Variants in CEP128 observed in about 807,000 individuals in gnomAD.
CEP128 encodes the protein centrosomal protein 128kDa.
Under a neutral mutation model 156.7 loss-of-function variants are expected in CEP128, and 132 were observed. The ratio of observed to expected loss-of-function variants is 0.84; its 90% CI spans 0.73 to 0.97. CEP128 has a LOEUF of 0.97. CEP128 is among the 50% of genes least tolerant of loss of function. The probability of loss-of-function intolerance (pLI) is 0.00; values close to 1 mark genes in which losing one functional copy is unlikely to be tolerated. For synonymous variants in CEP128, 469 were observed against 448.9 expected (o/e 1.04, Z -0.57); for missense variants, 1,252 against 1,281.9 (o/e 0.98, Z 0.36).
chr14:80,527,185 T>C, intron 22 of CEP128: 1 of 556,200 alleles, frequency 1.8e-6, no homozygotes, highest in Non-Finnish European at 3.3e-6. Context: ...TCCCAGCACT[T>C]TAGGAGGCCA....
At chr14:80,700,325 C>A (rs532753081) in intron 19 of CEP128, among the ~76,000 whole-genome samples, 2 of 152,166 alleles carry the variant, frequency 1.3e-5, no homozygotes, top group African/African-American at 4.8e-5. Context: ...TTGGACTAAG[C>A]TGATGATTAG....
At chr14:80,565,696 C>T (rs1183998119) in intron 20 of CEP128, among the ~76,000 whole-genome samples, 3 of 152,126 alleles carry the variant, frequency 2.0e-5, no homozygotes, top group African/African-American at 7.2e-5. Context: ...TATTTGTAGG[C>T]TGTTAGGAAA....
intron 23 of CEP128, among the ~76,000 whole-genome samples, chr14:80,507,367 C>T (rs142016550): frequency 1.5e-4 from 23 of 152,252 alleles, no homozygotes; most frequent in Non-Finnish European, 2.6e-4. Flanking sequence ...AAAGGATATA[C>T]ATTATGCCCC....
chr14:80,484,330 T>G (rs982790192), intron 14 of CEP128, among the ~76,000 whole-genome samples: 4 of 152,196 alleles, frequency 2.6e-5, no homozygotes, highest in African/African-American at 9.6e-5. Context: ...CTCTGGCTAC[T>G]AATTATAAAA....
In CEP128 at chr14:80,777,924, C is replaced by T; in HGVS notation, c.2334G>A (p.Leu778=). 2 of 1,611,952 alleles carry T rather than the reference C, an allele frequency of 1.2e-6. No homozygotes were observed. The highest frequency in any genetic ancestry group is 1.7e-6 in the Non-Finnish European group (2 of 1,178,486). Residue 778 remains leucine, a synonymous_variant, in exon 16 of 25, where the codon CTG becomes CTA. Transcript: ENST00000555265. ...LTQNENENKK[L]KLKYQCLKDQ... ...CCTTCAAACATTGATATTTTAGCTT[C>T]AGTTTTTTGTTCTCATTTTCATTCT...
chr14:80,886,940 C>T (rs780583430), intron 8 of CEP128, among the ~76,000 whole-genome samples: 11 of 152,150 alleles, frequency 7.2e-5, no homozygotes, highest in Non-Finnish European at 8.8e-5. Flanking sequence ...GGAATATTTA[C>T]TAAGCAAATG....
intron 4 of CEP128, among the ~76,000 whole-genome samples, chr14:80,908,531 T>C (rs538544216): frequency 2.0e-5 from 3 of 152,314 alleles, no homozygotes; most frequent in African/African-American, 7.2e-5. Flanking sequence ...AAATTTTCAT[T>C]TGGTGCCTTT....
rs2140035212 is a variant in CEP128 at position 80,829,270 on chromosome 14, A to G, written c.1209+1873T>C. The stretch of plus-strand genomic sequence containing the variant: ...AAATCAGAAAAAATGCAACTAGTTA[A>G]TGCTAATGTCTTACAGGGATAAACA... On this transcript the variant is annotated intron_variant, in intron 13 of 24. Coordinates refer to ENST00000555265, the MANE Select transcript of CEP128 (RefSeq NM_152446.5). Among the ~76,000 whole-genome samples the G allele has an allele frequency of 2.0e-5, 3 of 152,370 alleles. No homozygotes were observed. The South Asian group carries it at 6.2e-4, about 32-fold the overall frequency.
chr14:80,955,876 A>G (rs61750920), intron 2 of CEP128: 2 of 1,614,068 alleles, frequency 1.2e-6, no homozygotes, highest in South Asian at 2.2e-5. Context: ...AGATCAGGGT[A>G]GGACCCAGAG....
intron 13 of CEP128, among the ~76,000 whole-genome samples, chr14:80,818,429 A>G (rs976291285): frequency 2.0e-5 from 3 of 152,276 alleles, no homozygotes; most frequent in African/African-American, 7.2e-5. Context: ...TTAGCCTTAC[A>G]AGGAATACCA....
At chr14:80,908,638 G>A (rs1412782018) in intron 4 of CEP128, among the ~76,000 whole-genome samples, 1 of 151,962 alleles carries the variant, frequency 6.6e-6, no homozygotes, top group Non-Finnish European at 1.5e-5. Flanking sequence ...TGTTTCTATT[G>A]TCTGCTTCTT....
chr14:80,751,461 A>C (rs1899389039), intron 18 of CEP128, among the ~76,000 whole-genome samples: 1 of 152,166 alleles, frequency 6.6e-6, no homozygotes, highest in Admixed American at 6.6e-5. Context: ...AAATAACTTT[A>C]ACAATTCCCA....
At chr14:80,946,041 T>G (rs1886332208), upstream of CEP128, among the ~76,000 whole-genome samples, 1 of 152,212 alleles carries the variant, frequency 6.6e-6, no homozygotes, top group African/African-American at 2.4e-5. Flanking sequence ...ACAAGTTACT[T>G]AATCATTCTG....
chr14:80,697,351 T>C (rs1045054283), intron 19 of CEP128, among the ~76,000 whole-genome samples: 3 of 152,204 alleles, frequency 2.0e-5, no homozygotes, highest in African/African-American at 7.2e-5. Flanking sequence ...AGGTAATGGA[T>C]TTTCTATTTT....
At chr14:80,617,369 T>C (rs1397400793) in intron 19 of CEP128, among the ~76,000 whole-genome samples, 1 of 151,776 alleles carries the variant, frequency 6.6e-6, no homozygotes, top group African/African-American at 2.4e-5. Flanking sequence ...CAGCTGGGAC[T>C]ACAGGCGCAA....
chr14:80,941,990 G>A (rs1886189066), upstream of CEP128, among the ~76,000 whole-genome samples: 1 of 151,892 alleles, frequency 6.6e-6, no homozygotes, highest in African/African-American at 2.4e-5. Context: ...CTTTGTAGGA[G>A]GCAAACTCCA....
At chr14:80,606,845 T>C (rs1892799627) in intron 19 of CEP128, among the ~76,000 whole-genome samples, 1 of 151,946 alleles carries the variant, frequency 6.6e-6, no homozygotes, top group Non-Finnish European at 1.5e-5. Flanking sequence ...GTAATGTATA[T>C]AATATCTGCT....
intron 19 of CEP128, among the ~76,000 whole-genome samples, chr14:80,626,443 C>T (rs1293598627): frequency 7.5e-6 from 1 of 132,558 alleles, no homozygotes; most frequent in Non-Finnish European, 1.5e-5. Flanking sequence ...CACAGTCCGG[C>T]CTGGGCGACA....
chr14:80,761,339 C>CATA, intron 17 of CEP128, 98 bp downstream of exon 17: 1 of 901,854 alleles, frequency 1.1e-6, no homozygotes, highest in Non-Finnish European at 1.6e-6. Context: ...TAAAATTTTC[C>CATA]ATAATAATAA....
Sources: allele counts gnomAD v4.1 joint callset (sites outside exome capture counted in the v4.1 genomes callset), GRCh38; gene constraint gnomAD v4.1.1; transcripts MANE v1.5; gene names NCBI Gene and HGNC (gene_info 2026-07-23, HGNC 2026-07-21).